The following DSCAM variants were observed in gnomAD, a reference collection of about 807,000 sequenced individuals.
DSCAM encodes the protein cell adhesion molecule DSCAM.
DSCAM carries 47 observed loss-of-function variants against 217.7 expected under a neutral mutation model. The observed-to-expected ratio is 0.22, with a 90% CI of 0.17 to 0.28. The LOEUF (loss-of-function observed/expected upper bound fraction) is 0.28. DSCAM is among the 10% of genes least tolerant of loss of function. The pLI is 1.00. For synonymous variants in DSCAM, 1,056 were observed against 1,015.3 expected, an observed-to-expected ratio of 1.04 and a Z score of -0.76; for missense variants, 2,080 against 2,618.3, an observed-to-expected ratio of 0.79 and a Z score of 4.49.
intron 1 of DSCAM, among the ~76,000 whole-genome samples, chr21:40,827,653 G>A (rs1020220742): frequency 2.0e-5 from 3 of 152,100 alleles, no homozygotes; most frequent in Admixed American, 1.3e-4. Flanking sequence ...AGCGCTAATC[G>A]AAGTGTGTAC....
rs764160478 is a variant in DSCAM, at chr21:40,360,121, G to GTTTTTTTTTTTTTTT, written c.656-6379_656-6378insAAAAAAAAAAAAAAA. Among the ~76,000 whole-genome samples, 11 of 82,656 alleles carry GTTTTTTTTTTTTTTT rather than the reference G, an allele frequency of 1.3e-4. 5 individuals carry two copies. The highest frequency in any genetic ancestry group is 1.1e-4 in the Non-Finnish European group (5 of 44,702). 54.2% of individuals were successfully genotyped at this position (82,656 alleles called of 152,430 possible). On this transcript the variant is annotated intron_variant, in intron 4 of 32. Coordinates refer to ENST00000400454, the MANE Select transcript of DSCAM (RefSeq NM_001389.5). Reference sequence around the variant, plus strand: ...TAGTGAGCATGGTACTTCATAGGTAGTCTTTTTTTTTTTTTTTTTTTTTTT... The same window carrying GTTTTTTTTTTTTTTT: ...TAGTGAGCATGGTACTTCATAGGTAGTTTTTTTTTTTTTTTTCTTTTTTTTTTTTTTTTTTTTTTT...
chr21:40,087,559 C>A (rs1219026953), intron 21 of DSCAM, among the ~76,000 whole-genome samples: 1 of 152,194 alleles, frequency 6.6e-6, no homozygotes, highest in African/African-American at 2.4e-5. Flanking sequence ...ATAAGCCAAG[C>A]AGCTCCAAGC....
At chr21:40,668,640 AG>A (rs1568973677) in intron 3 of DSCAM, among the ~76,000 whole-genome samples, 3 of 152,212 alleles carry the variant, frequency 2.0e-5, no homozygotes, top group Non-Finnish European at 4.4e-5. Flanking sequence ...TTTATTTAAC[AG>A]GATTCCTGGG....
intron 1 of DSCAM, among the ~76,000 whole-genome samples, chr21:40,833,837 C>T (rs999064548): frequency 6.6e-6 from 1 of 152,092 alleles, no homozygotes; most frequent in East Asian, 1.9e-4. Flanking sequence ...GTGTTCTCAA[C>T]CTTGGCACAA....
Position 40,585,179 on chromosome 21 carries a change from C to CTTTCTTTTTT in DSCAM, c.508+107630_508+107631insAAAAAAGAAA, listed in dbSNP as rs371140909. Among the ~76,000 whole-genome samples, 78 of 145,932 alleles carry CTTTCTTTTTT rather than the reference C, an allele frequency of 5.3e-4. 4 individuals carry two copies. The highest frequency in any genetic ancestry group is 6.1e-4 in the Non-Finnish European group (41 of 66,674). On this transcript the variant is annotated intron_variant, in intron 3 of 32. Transcript: ENST00000400454. ...GTAGAACCGCGAGACAAATCAACTTCTTTTTTTTTTTTTTTACAACTTACC... is the reference window on the plus strand; with the variant it reads ...GTAGAACCGCGAGACAAATCAACTTCTTTCTTTTTTTTTTTTTTTTTTTTTACAACTTACC...
chr21:40,215,605 G>A (rs552963132), intron 11 of DSCAM, among the ~76,000 whole-genome samples: 1 of 152,134 alleles, frequency 6.6e-6, no homozygotes, highest in African/African-American at 2.4e-5. Context: ...CTAAGCTATA[G>A]GTATGCCAAG....
At chr21:40,797,867 A>G (rs2091705569) in intron 1 of DSCAM, among the ~76,000 whole-genome samples, 1 of 152,064 alleles carries the variant, frequency 6.6e-6, no homozygotes, top group African/African-American at 2.4e-5. Flanking sequence ...TTATCAGTTT[A>G]TGTTGTTAAT....
At chr21:40,592,506 C>T (rs1366001517) in intron 3 of DSCAM, among the ~76,000 whole-genome samples, 1 of 152,172 alleles carries the variant, frequency 6.6e-6, no homozygotes, top group Non-Finnish European at 1.5e-5. Flanking sequence ...TTTCACCCCT[C>T]CCTGTCTCTC....
intron 9 of DSCAM, among the ~76,000 whole-genome samples, chr21:40,300,268 T>C (rs1272132864): frequency 6.6e-6 from 1 of 152,238 alleles, no homozygotes; most frequent in African/African-American, 2.4e-5. Context: ...TACCTGTTCC[T>C]GTTCACCATC....
At chr21:40,337,194 A>G (rs2074437582) in intron 8 of DSCAM, among the ~76,000 whole-genome samples, 1 of 152,146 alleles carries the variant, frequency 6.6e-6, no homozygotes, top group African/African-American at 2.4e-5. Context: ...CAGGAAACCT[A>G]TGCAACTTTG....
At chr21:40,052,160 C>A in intron 29 of DSCAM, 53 bp from the exon 30 acceptor site, 1 of 1,596,290 alleles carries the variant, frequency 6.3e-7, no homozygotes, top group Non-Finnish European at 8.5e-7. Flanking sequence ...CCCTTCCAAC[C>A]ACTCCCTGGC....
At chr21:40,021,344 A>C (rs867476961) in intron 32 of DSCAM, among the ~76,000 whole-genome samples, 11 of 152,110 alleles carry the variant, frequency 7.2e-5, no homozygotes, top group Non-Finnish European at 1.5e-4. Context: ...GGAGCAGTGG[A>C]GGAAGAGGGC....
At chr21:40,355,537 A>AT (rs370529068) in intron 4 of DSCAM, among the ~76,000 whole-genome samples, 7 of 152,336 alleles carry the variant, frequency 4.6e-5, no homozygotes, top group African/African-American at 1.7e-4. Flanking sequence ...AGAATATAAA[A>AT]TACAGCACCT....
chr21:40,596,307 C>A (rs1359737801), intron 3 of DSCAM, among the ~76,000 whole-genome samples: 1 of 152,178 alleles, frequency 6.6e-6, no homozygotes, highest in Non-Finnish European at 1.5e-5. Context: ...TATAAGAGTG[C>A]TTCCCCTACA....
At chr21:40,017,703 C>T (rs761022995) in intron 32 of DSCAM, among the ~76,000 whole-genome samples, 4 of 152,068 alleles carry the variant, frequency 2.6e-5, no homozygotes, top group South Asian at 2.1e-4. Context: ...AGGCATGCAC[C>T]ACCACGCCTG....
intron 19 of DSCAM, among the ~76,000 whole-genome samples, chr21:40,132,040 G>C (rs943328318): frequency 6.6e-6 from 1 of 152,214 alleles, no homozygotes; most frequent in African/African-American, 2.4e-5. Flanking sequence ...CAAAAATGCA[G>C]ATGCAAAACA....
intron 8 of DSCAM, among the ~76,000 whole-genome samples, chr21:40,335,687 A>G (rs540046226): frequency 3.5e-4 from 53 of 152,332 alleles, no homozygotes; most frequent in African/African-American, 1.1e-3. Flanking sequence ...CTCATTTGTA[A>G]TGGTCAAACA....
chr21:40,422,006 T>C lies in DSCAM; in HGVS notation c.509-52761A>G, dbSNP rs1307365734. Among the ~76,000 whole-genome samples, 3 of 152,344 alleles carry C rather than the reference T, an allele frequency of 2.0e-5. 1 individual carries two copies. The highest frequency in any genetic ancestry group is 4.1e-4 in the South Asian group (2 of 4,828). On this transcript the variant is annotated intron_variant, in intron 3 of 32. Coordinates refer to ENST00000400454, the MANE Select transcript of DSCAM (RefSeq NM_001389.5). ...GGAGACAGAAAAGGCTCTTTTAAAC[T>C]GAATGCCTCATTGACACAACTGCTA...
At chr21:40,364,107 A>G (rs911564913) in intron 4 of DSCAM, among the ~76,000 whole-genome samples, 4 of 152,180 alleles carry the variant, frequency 2.6e-5, no homozygotes, top group South Asian at 2.1e-4. Context: ...AAACATTGTG[A>G]AAGTCAGTGT....
Sources: allele counts gnomAD v4.1 joint callset (sites outside exome capture counted in the v4.1 genomes callset), GRCh38; gene constraint gnomAD v4.1.1; transcripts MANE v1.5; gene names NCBI Gene and HGNC (gene_info 2026-07-23, HGNC 2026-07-21).